The following SYT17 variants were observed in gnomAD, a reference collection of about 807,000 sequenced individuals.
SYT17 encodes the protein synaptotagmin 17.
A neutral mutation model predicts 46.7 loss-of-function variants in SYT17; 22 were observed. That is an observed-to-expected ratio of 0.47 (90% CI 0.34 to 0.67). The LOEUF is 0.67. Ranked by LOEUF, SYT17 falls within the 30% of genes least tolerant of loss-of-function variation. The pLI is 0.01. For synonymous variants in SYT17, 251 were observed against 248.4 expected (o/e 1.01, Z -0.10); for missense variants, 519 against 612.8 (o/e 0.85, Z 1.62).
At chr16:19,261,659 G>A (rs866669126) in intron 7 of SYT17, among the ~76,000 whole-genome samples, 7 of 152,140 alleles carry the variant, frequency 4.6e-5, no homozygotes, top group African/African-American at 1.4e-4. Context: ...CCCCTTCCCA[G>A]AGAGAGCCAC....
intron 7 of SYT17, among the ~76,000 whole-genome samples, chr16:19,228,600 C>A (rs746305863): frequency 1.1e-4 from 16 of 152,168 alleles, no homozygotes; most frequent in Non-Finnish European, 1.6e-4. Context: ...AAAAACACCC[C>A]AGATATTTCT....
At position 19,173,469 on chromosome 16, in the gene SYT17, T is replaced by C; in HGVS notation, c.73T>C (p.Trp25Arg). Residue 25 changes from tryptophan to arginine, a missense_variant, in exon 3 of 8, where the codon TGG (tryptophan) becomes CGG (arginine). Physicochemically the swap from Trp to Arg is moderately radical, Grantham distance 101. Coordinates refer to ENST00000355377, the MANE Select transcript of SYT17 (RefSeq NM_016524.4). ...SRISGLLLCR[W>R]TCRHCCQKCY... ...AATCTCTGGTCTGCTGCTGTGCAGATGGACCTGCCGGCACTGCTGTCAGAA... is the reference window on the plus strand; with the variant it reads ...AATCTCTGGTCTGCTGCTGTGCAGACGGACCTGCCGGCACTGCTGTCAGAA... 1.3e-6 allele frequency: 2 copies of C among 1,553,474 alleles called. No homozygotes were observed. The highest frequency in any genetic ancestry group is 2.2e-5 in the South Asian group (2 of 90,040).
In SYT17 at chr16:19,219,444, AAAT is replaced by A. The variant is rs767001468; in HGVS notation, c.952-3580_952-3578del. Reference sequence around the variant, plus strand: ...AAAAAAAAAAAAAAAAAAAAAAAAAAAATAATAATAATAATAATAATAAAACAA... The same window carrying A: ...AAAAAAAAAAAAAAAAAAAAAAAAAAAATAATAATAATAATAATAAAACAA... On this transcript the variant is annotated intron_variant, in intron 5 of 7. Coordinates refer to ENST00000355377, the MANE Select transcript of SYT17 (RefSeq NM_016524.4). 1.7e-3 allele frequency among the ~76,000 whole-genome samples: 213 copies of A among 121,948 alleles called. 53 individuals are homozygous for A. The highest frequency in any genetic ancestry group is 2.0e-3 in the Non-Finnish European group (105 of 52,938). 80.0% of individuals were successfully genotyped at this position (121,948 alleles called of 152,430 possible). A position where few individuals can be genotyped will look rare whatever the true frequency, so the allele number is the denominator to read the frequency against.
intron 3 of SYT17, among the ~76,000 whole-genome samples, 196 bp downstream of exon 3, chr16:19,173,774 C>T (rs1458139132): frequency 3.9e-5 from 6 of 152,084 alleles, no homozygotes; most frequent in South Asian, 4.1e-4. Flanking sequence ...GGCAAGCTGG[C>T]GAGACCAGCT....
At chr16:19,239,868 G>A (rs1966964179) in intron 7 of SYT17, among the ~76,000 whole-genome samples, 1 of 152,198 alleles carries the variant, frequency 6.6e-6, no homozygotes. Flanking sequence ...AACGAGCATG[G>A]GGTTCAGCCA....
At chr16:19,182,150 C>T (rs867990089) in intron 4 of SYT17, among the ~76,000 whole-genome samples, 1 of 152,144 alleles carries the variant, frequency 6.6e-6, no homozygotes, top group Non-Finnish European at 1.5e-5. Context: ...CGCGGTGGCT[C>T]ACGCCTGTAA....
intron 7 of SYT17, among the ~76,000 whole-genome samples, chr16:19,249,464 C>T (rs1462112014): frequency 1.3e-5 from 2 of 152,082 alleles, no homozygotes; most frequent in African/African-American, 4.8e-5. Flanking sequence ...GTGGTACTTA[C>T]ACAATCATAG....
At chr16:19,245,163 C>T (rs899275403) in intron 7 of SYT17, among the ~76,000 whole-genome samples, 4 of 152,192 alleles carry the variant, frequency 2.6e-5, no homozygotes, top group African/African-American at 4.8e-5. Flanking sequence ...GCCCGGGTCA[C>T]CTGCTGACTT....
chr16:19,242,613 C>T (rs573155301), intron 7 of SYT17, among the ~76,000 whole-genome samples: 1 of 152,244 alleles, frequency 6.6e-6, no homozygotes, highest in South Asian at 2.1e-4. Context: ...CAGCCTCGAC[C>T]TCCCTAGGCT....
chr16:19,219,867 T>C (rs1027593997), intron 5 of SYT17, among the ~76,000 whole-genome samples: 4 of 152,024 alleles, frequency 2.6e-5, no homozygotes, highest in Admixed American at 1.3e-4. Flanking sequence ...TTTTGTTTTG[T>C]TTTGTTTTGT....
intron 3 of SYT17, among the ~76,000 whole-genome samples, chr16:19,178,256 G>A (rs1474132716): frequency 1.4e-5 from 2 of 144,402 alleles, no homozygotes; most frequent in East Asian, 3.9e-4. Context: ...CTAATTTTTT[G>A]TATTTTTTTT....
intron 7 of SYT17, among the ~76,000 whole-genome samples, chr16:19,252,710 C>T (rs1055561629): frequency 1.3e-5 from 2 of 150,430 alleles, no homozygotes; most frequent in Admixed American, 6.7e-5. Flanking sequence ...GCATGAGGCA[C>T]TTACCCTAAG....
At chr16:19,256,344 C>T (rs768379965) in intron 7 of SYT17, among the ~76,000 whole-genome samples, 16 of 151,474 alleles carry the variant, frequency 1.1e-4, no homozygotes, top group Non-Finnish European at 1.9e-4. Flanking sequence ...CTCAACATGG[C>T]GCCTTTATGA....
chr16:19,238,854 G>A (rs1597000850), intron 7 of SYT17, among the ~76,000 whole-genome samples: 1 of 152,192 alleles, frequency 6.6e-6, no homozygotes, highest in South Asian at 2.1e-4. Flanking sequence ...GGGTAGGTTC[G>A]AGATGAAGGC....
At chr16:19,175,920 C>G (rs558562245) in intron 3 of SYT17, among the ~76,000 whole-genome samples, 1 of 152,300 alleles carries the variant, frequency 6.6e-6, no homozygotes, top group Admixed American at 6.5e-5. Context: ...CTGTGGTATA[C>G]ACAGGGCTAG....
intron 3 of SYT17, among the ~76,000 whole-genome samples, chr16:19,174,783 GTAGT>G (rs991497003): frequency 1.3e-5 from 2 of 152,194 alleles, no homozygotes; most frequent in African/African-American, 2.4e-5. Flanking sequence ...ATGTGGAAAA[GTAGT>G]TAGGAATGCT....
chr16:19,260,476 C>G (rs1452621872), intron 7 of SYT17, among the ~76,000 whole-genome samples: 1 of 132,476 alleles, frequency 7.5e-6, no homozygotes, highest in Non-Finnish European at 1.5e-5. Flanking sequence ...TGCCACTGCA[C>G]CTGGGTAACA....
intron 7 of SYT17, among the ~76,000 whole-genome samples, chr16:19,237,293 A>G (rs1352078409): frequency 6.6e-6 from 1 of 152,126 alleles, no homozygotes; most frequent in Non-Finnish European, 1.5e-5. Context: ...AAGCCTGAGG[A>G]GGCACCTGAG....
intron 7 of SYT17, among the ~76,000 whole-genome samples, chr16:19,236,832 C>T (rs1012288816): frequency 6.6e-6 from 1 of 152,196 alleles, no homozygotes; most frequent in Non-Finnish European, 1.5e-5. Context: ...TACTGAGCCT[C>T]AATCACATAC....
Sources: gnomAD v4.1 joint callset for allele counts (sites outside exome capture counted in the v4.1 genomes callset) on GRCh38, gnomAD v4.1.1 for gene constraint, MANE v1.5 for transcripts, NCBI Gene and HGNC (gene_info 2026-07-23, HGNC 2026-07-21) for gene names.